Variants in SPIN1 observed in about 807,000 individuals in gnomAD.
SPIN1 encodes spindlin 1, also known as spindlin-1.
In SPIN1, 3 loss-of-function variants were observed where a neutral mutation model predicts 26.0. The ratio of observed to expected loss-of-function variants is 0.12; its 90% CI spans 0.05 to 0.30. The LOEUF (loss-of-function observed/expected upper bound fraction) is 0.30, where lower values mean the gene tolerates loss of function less well. Among genes scored for constraint, SPIN1 ranks in the 10% least tolerant of loss-of-function variants. The pLI is 1.00. For missense variants in SPIN1, 126 were observed against 333.4 expected (o/e 0.38, Z 4.84); for synonymous variants, 101 against 116.5 (o/e 0.87, Z 0.86).
At chr9:88,466,298 A>G (rs1384672009) in intron 4 of SPIN1, among the ~76,000 whole-genome samples, 1 of 152,174 alleles carries the variant, frequency 6.6e-6, no homozygotes, top group Non-Finnish European at 1.5e-5. Flanking sequence ...TGCTGGGACT[A>G]CAGGCACTCA....
intron 1 of SPIN1, among the ~76,000 whole-genome samples, chr9:88,395,788 C>T (rs1183916200): frequency 6.6e-6 from 1 of 151,926 alleles, no homozygotes; most frequent in East Asian, 1.9e-4. Flanking sequence ...ATGGCTCACA[C>T]CTGTAATCCC....
chr9:88,468,324 A>G, intron 4 of SPIN1, 48 bp from the exon 5 acceptor site: 1 of 1,376,072 alleles, frequency 7.3e-7, no homozygotes, highest in Non-Finnish European at 9.7e-7. Context: ...ATAGTCGGTA[A>G]TCAGCGAAAC....
chr9:88,390,995 C>A (rs972143416), intron 1 of SPIN1, among the ~76,000 whole-genome samples: 2 of 152,094 alleles, frequency 1.3e-5, no homozygotes, highest in Admixed American at 1.3e-4. Flanking sequence ...AATAATTATG[C>A]TCTTGCCAAA....
chr9:88,405,615 C>T (rs1468233334), intron 1 of SPIN1, among the ~76,000 whole-genome samples: 1 of 146,964 alleles, frequency 6.8e-6, no homozygotes, highest in African/African-American at 2.5e-5. Flanking sequence ...GCGACCTCAT[C>T]TCACTGCAGC....
At chr9:88,453,841 G>A (rs1459717668) in intron 3 of SPIN1, among the ~76,000 whole-genome samples, 1 of 152,064 alleles carries the variant, frequency 6.6e-6, no homozygotes, top group East Asian at 1.9e-4. Context: ...TAAGCACATC[G>A]GAGAACTAAG....
At chr9:88,443,034 C>G (rs944801508) in intron 2 of SPIN1, among the ~76,000 whole-genome samples, 1 of 150,594 alleles carries the variant, frequency 6.6e-6, no homozygotes, top group Non-Finnish European at 1.5e-5. Flanking sequence ...GCAGGCGAAT[C>G]GCTTGAACCT....
intron 2 of SPIN1, among the ~76,000 whole-genome samples, chr9:88,431,024 A>G (rs1827857897): frequency 6.6e-6 from 1 of 151,808 alleles, no homozygotes; most frequent in Admixed American, 6.6e-5. Context: ...CTGGGATTAC[A>G]GGCATGCACC....
chr9:88,448,523 T>C, intron 2 of SPIN1, among the ~76,000 whole-genome samples: 1 of 151,720 alleles, frequency 6.6e-6, no homozygotes, highest in Non-Finnish European at 1.5e-5. Context: ...GGCTTGTTGT[T>C]TTTTTTGTAG....
intron 2 of SPIN1, among the ~76,000 whole-genome samples, chr9:88,447,426 G>T (rs1455986142): frequency 2.0e-5 from 3 of 152,086 alleles, no homozygotes; most frequent in Admixed American, 1.3e-4. Context: ...TTGAAACCTT[G>T]TGTTGTTGAG....
chr9:88,396,787 A>G (rs1827070448), intron 1 of SPIN1, among the ~76,000 whole-genome samples: 1 of 152,096 alleles, frequency 6.6e-6, no homozygotes, highest in South Asian at 2.1e-4. Context: ...TATATGGGAC[A>G]ACCTACTAGG....
At chr9:88,408,684 T>G (rs1827365915) in intron 1 of SPIN1, among the ~76,000 whole-genome samples, 1 of 151,166 alleles carries the variant, frequency 6.6e-6, no homozygotes, top group Non-Finnish European at 1.5e-5. Flanking sequence ...CCTTTTTTTT[T>G]TTTTTTTTGA....
chr9:88,454,182 A>ACT (rs1012188501), intron 3 of SPIN1, among the ~76,000 whole-genome samples: 1 of 152,148 alleles, frequency 6.6e-6, no homozygotes, highest in Non-Finnish European at 1.5e-5. Flanking sequence ...GATGTTACTA[A>ACT]CTGGTAAATG....
chr9:88,470,055 A>G (rs1389893037), intron 5 of SPIN1, among the ~76,000 whole-genome samples: 2 of 152,194 alleles, frequency 1.3e-5, no homozygotes, highest in African/African-American at 4.8e-5. Flanking sequence ...CATTCATATG[A>G]ATGGACTATA....
intron 1 of SPIN1, among the ~76,000 whole-genome samples, chr9:88,402,929 A>G (rs187897746): frequency 1.3e-5 from 2 of 152,238 alleles, no homozygotes; most frequent in East Asian, 1.9e-4. Flanking sequence ...CCCAGTGTAT[A>G]AGAGTTCCCT....
Position 88,449,009 on chromosome 9 carries a change from G to T in SPIN1, c.101+20G>T. On this transcript the variant is annotated intron_variant, in intron 3 of 5. Coordinates refer to ENST00000375859, the MANE Select transcript of SPIN1 (RefSeq NM_006717.3). The stretch of plus-strand genomic sequence containing the variant: ...CCACAAGTAAGCAGTTCTGAAACTG[G>T]TTCTAGATAGTGTTTTGTGACCTTT... 6.2e-7 allele frequency: 1 copy of T among 1,611,042 alleles called. No individual in the cohort carries two copies. Among genetic ancestry groups the T allele is most frequent in the African/African-American group, 1.3e-5 (1 of 74,280 alleles).
intron 4 of SPIN1, among the ~76,000 whole-genome samples, chr9:88,466,452 A>T (rs1046416624): frequency 2.6e-5 from 4 of 152,130 alleles, no homozygotes; most frequent in African/African-American, 9.7e-5. Context: ...CGCTGTGCCC[A>T]GCCAGTAATT....
rs10541463 is a variant in SPIN1 at position 88,468,345 on chromosome 9, CTTT to C, written c.356-12_356-10del. 0.027 allele frequency: 35,096 copies of C among 1,288,180 alleles called. 3 individuals are homozygous for C. The highest frequency in any genetic ancestry group is 0.055 in the African/African-American group (3,482 of 63,380). The allele number at this position is 1,288,180 out of a possible 1,614,324, so 79.8% of individuals were successfully genotyped here. On this transcript the variant is annotated intron_variant, in intron 4 of 5. Transcript: ENST00000375859. ...GGTAATCAGCGAAACACTTTGTCAA[CTTT>C]TTTTTTTTTTTTTTAATCCCCAGCG...
At position 88,464,381 on chromosome 9, in the gene SPIN1, T is replaced by C. The variant is rs181855694; in HGVS notation, c.355+1632T>C. On this transcript the variant is annotated intron_variant, in intron 4 of 5. Coordinates refer to ENST00000375859, the MANE Select transcript of SPIN1 (RefSeq NM_006717.3). ...TACGTTTTACGTCGGAAGCAATTGC[T>C]TCAGGCAGTACATTAGAGTATAATT... Among the ~76,000 whole-genome samples the C allele has an allele frequency of 2.0e-5, 3 of 152,350 alleles. No homozygotes were observed. The East Asian group carries it at 5.8e-4, about 29-fold the overall frequency.
intron 3 of SPIN1, among the ~76,000 whole-genome samples, chr9:88,451,032 G>A (rs971233348): frequency 3.3e-5 from 5 of 152,012 alleles, no homozygotes; most frequent in Admixed American, 3.3e-4. Flanking sequence ...TAAAATCAAG[G>A]TATTGGACTA....
Sources: allele counts gnomAD v4.1 joint callset (sites outside exome capture counted in the v4.1 genomes callset), GRCh38; gene constraint gnomAD v4.1.1; transcripts MANE v1.5; gene names NCBI Gene and HGNC (gene_info 2026-07-23, HGNC 2026-07-21).